CDH12: variants seen among roughly 807,000 people sequenced by gnomAD.
CDH12 encodes the protein cadherin 12, also known as cadherin-12.
In CDH12, 41 loss-of-function variants were observed where a neutral mutation model predicts 74.1. The observed-to-expected ratio is 0.55, with a 90% CI of 0.43 to 0.72. CDH12 has a LOEUF of 0.72. Among genes scored for constraint, CDH12 ranks in the 30% least tolerant of loss-of-function variants. CDH12 has a pLI of 0.00. For synonymous variants in CDH12, 399 were observed against 355.0 expected (o/e 1.12, Z -1.39); for missense variants, 945 against 977.2 (o/e 0.97, Z 0.44).
intron 3 of CDH12, among the ~76,000 whole-genome samples, chr5:22,352,390 C>T (rs985743821): frequency 5.9e-5 from 9 of 151,590 alleles, no homozygotes; most frequent in Middle Eastern, 3.4e-3. Flanking sequence ...ATAAAAATTG[C>T]GAAATAAATA....
intron 6 of CDH12, among the ~76,000 whole-genome samples, chr5:21,954,395 C>T (rs967417306): frequency 6.6e-6 from 1 of 151,886 alleles, no homozygotes; most frequent in Non-Finnish European, 1.5e-5. Context: ...TGCACACACA[C>T]TTGCATGTGA....
intron 4 of CDH12, among the ~76,000 whole-genome samples, chr5:22,084,576 C>T (rs113669664): frequency 0.011 from 1,666 of 152,174 alleles, 31 homozygotes; most frequent in African/African-American, 0.038. Context: ...TCAATGAGAA[C>T]GTGTGTGAGT....
chr5:22,761,681 C>T (rs1746234566), intron 1 of CDH12, among the ~76,000 whole-genome samples: 1 of 152,088 alleles, frequency 6.6e-6, no homozygotes, highest in South Asian at 2.1e-4. Flanking sequence ...CAAGTGCTTG[C>T]TCATCTGGAA....
chr5:22,786,114 C>A (rs889550893), intron 1 of CDH12, among the ~76,000 whole-genome samples: 1 of 152,024 alleles, frequency 6.6e-6, no homozygotes, highest in Non-Finnish European at 1.5e-5. Context: ...CACGTATACA[C>A]CATGGAATAC....
chr5:21,773,795 C>T (rs992396317), intron 11 of CDH12, among the ~76,000 whole-genome samples: 1 of 152,040 alleles, frequency 6.6e-6, no homozygotes, highest in Non-Finnish European at 1.5e-5. Flanking sequence ...TACAGTTGTA[C>T]TAAGAAAATA....
At chr5:22,796,478 G>A (rs1319556028) in intron 1 of CDH12, among the ~76,000 whole-genome samples, 1 of 144,028 alleles carries the variant, frequency 6.9e-6, no homozygotes, top group Admixed American at 6.9e-5. Context: ...CCATTTATAT[G>A]TCTTCTGTTG....
rs1279641554 is a variant in CDH12 at position 22,085,900 on chromosome 5, G to GT, written c.-186-7039dup. Among the ~76,000 whole-genome samples the GT allele has an allele frequency of 2.0e-5, 3 of 152,172 alleles. No individual in the cohort carries two copies. In the East Asian group the frequency reaches 5.8e-4, roughly 29 times the overall value. ...TTAAAGACTTCAAGCAAATCTGATAGTTTAAGAATATGACTCCCAGGAAAA... is the reference window on the plus strand; with the variant it reads ...TTAAAGACTTCAAGCAAATCTGATAGTTTTAAGAATATGACTCCCAGGAAAA... On this transcript the variant is annotated intron_variant, in intron 4 of 14. Transcript: ENST00000382254.
At chr5:22,039,795 C>A (rs571413893) in intron 5 of CDH12, among the ~76,000 whole-genome samples, 327 of 152,006 alleles carry the variant, frequency 2.2e-3, no homozygotes, top group Non-Finnish European at 3.5e-3. Flanking sequence ...CCCTTTCCAA[C>A]CAGCACACCA....
At chr5:22,241,244 C>A (rs1752741020) in intron 3 of CDH12, among the ~76,000 whole-genome samples, 1 of 151,634 alleles carries the variant, frequency 6.6e-6, no homozygotes, top group African/African-American at 2.4e-5. Flanking sequence ...CACTTTTTTT[C>A]CCACAAAGGC....
At chr5:22,419,244 A>C (rs1743531122) in intron 2 of CDH12, among the ~76,000 whole-genome samples, 1 of 151,996 alleles carries the variant, frequency 6.6e-6, no homozygotes, top group South Asian at 2.1e-4. Context: ...TGCATCTATC[A>C]ACCCATCACC....
At chr5:21,926,966 A>G (rs1363226777) in intron 6 of CDH12, among the ~76,000 whole-genome samples, 1 of 152,140 alleles carries the variant, frequency 6.6e-6, no homozygotes, top group African/African-American at 2.4e-5. Context: ...CGTTTTTAAG[A>G]TTTTCTAGGC....
chr5:22,799,409 A>G lies in CDH12; in HGVS notation c.-523+53649T>C, dbSNP rs538783605. On this transcript the variant is annotated intron_variant, in intron 1 of 14. Coordinates refer to ENST00000382254, the MANE Select transcript of CDH12 (RefSeq NM_004061.5). The stretch of plus-strand genomic sequence containing the variant: ...TTGGTGATGTAAATAAATTCTACAT[A>G]ATTTGTAATTTCTATCTTCATAATA... Among the ~76,000 whole-genome samples, 4 of 152,316 alleles carry G rather than the reference A, an allele frequency of 2.6e-5. No homozygotes were observed. The East Asian group carries it at 7.7e-4, about 29-fold the overall frequency.
At chr5:22,215,108 C>T (rs1448174568) in intron 3 of CDH12, among the ~76,000 whole-genome samples, 3 of 152,068 alleles carry the variant, frequency 2.0e-5, no homozygotes, top group Non-Finnish European at 4.4e-5. Flanking sequence ...CCCCTTAGTC[C>T]AATTCTATTA....
intron 3 of CDH12, among the ~76,000 whole-genome samples, chr5:22,365,060 C>T (rs1210552124): frequency 6.6e-6 from 1 of 152,182 alleles, no homozygotes; most frequent in Non-Finnish European, 1.5e-5. Context: ...TAAGCTCACT[C>T]GACTGCATGA....
At chr5:22,167,329 C>T (rs1464801533) in intron 4 of CDH12, among the ~76,000 whole-genome samples, 1 of 152,132 alleles carries the variant, frequency 6.6e-6, no homozygotes, top group Non-Finnish European at 1.5e-5. Flanking sequence ...CAAGGCATCG[C>T]TGAAAGAAAG....
At chr5:22,752,275 T>C (rs1459600122) in intron 1 of CDH12, among the ~76,000 whole-genome samples, 2 of 151,890 alleles carry the variant, frequency 1.3e-5, no homozygotes, top group Non-Finnish European at 2.9e-5. Flanking sequence ...GGAAAAATTA[T>C]AAGAAAAAAA....
intron 2 of CDH12, among the ~76,000 whole-genome samples, chr5:22,433,673 C>T (rs1000362054): frequency 5.3e-5 from 8 of 152,064 alleles, no homozygotes; most frequent in African/African-American, 1.7e-4. Flanking sequence ...ACATGGTAAT[C>T]TTTATTCTAT....
intron 2 of CDH12, among the ~76,000 whole-genome samples, chr5:22,410,984 T>C (rs1296090690): frequency 6.6e-6 from 1 of 151,840 alleles, no homozygotes; most frequent in Non-Finnish European, 1.5e-5. Flanking sequence ...GAGTCTAGGA[T>C]ATGGAAAAGA....
At chr5:21,925,941 T>TA (rs34061040) in intron 6 of CDH12, among the ~76,000 whole-genome samples, 107,571 of 149,550 alleles carry the variant, frequency 0.72, 41,751 homozygotes, top group East Asian at 0.93. Context: ...ATGCTTTTGA[T>TA]AAAAAAAAAA....
Sources: allele counts gnomAD v4.1 joint callset (sites outside exome capture counted in the v4.1 genomes callset), GRCh38; gene constraint gnomAD v4.1.1; transcripts MANE v1.5; gene names NCBI Gene and HGNC (gene_info 2026-07-23, HGNC 2026-07-21).